The following TGFBR2 variants were observed in gnomAD, a reference collection of about 807,000 sequenced individuals.
The protein encoded by TGFBR2 is TGF-beta receptor type-2.
In TGFBR2, 18 loss-of-function variants were observed where a neutral mutation model predicts 49.0. The observed-to-expected ratio is 0.37, with a 90% CI of 0.25 to 0.54. The LOEUF (loss-of-function observed/expected upper bound fraction) is 0.54, where lower values mean the gene tolerates loss of function less well. Ranked by LOEUF, TGFBR2 falls within the 20% of genes least tolerant of loss-of-function variation. TGFBR2 has a pLI of 0.85. For synonymous variants in TGFBR2, 282 were observed against 275.9 expected, an observed-to-expected ratio of 1.02 and a Z score of -0.22; for missense variants, 525 against 722.6, an observed-to-expected ratio of 0.73 and a Z score of 3.13.
rs547493406 is a variant in TGFBR2 at position 30,631,726 on chromosome 3, T to A, written c.95-13021T>A. Among the ~76,000 whole-genome samples, 20 of 151,668 alleles carry A rather than the reference T, an allele frequency of 1.3e-4. No homozygotes were observed. The South Asian group carries it at 4.0e-3, about 30-fold the overall frequency. ...AGAAACCAAAGTGAATCTGAATGTG[T>A]CTTTCTGTCCTTTTTGTGTCATTTT... On this transcript the variant is annotated intron_variant, in intron 1 of 6. Coordinates refer to ENST00000295754, the MANE Select transcript of TGFBR2 (RefSeq NM_003242.6).
chr3:30,653,424 A>G (rs7428831), intron 3 of TGFBR2, among the ~76,000 whole-genome samples: 24,479 of 151,466 alleles, frequency 0.16, 2,269 homozygotes, highest in East Asian at 0.37. Context: ...GCTAATTTTT[A>G]TGTTTTTAGT....
At chr3:30,607,082 C>A (rs1697936934) in intron 1 of TGFBR2, 105 bp downstream of exon 1, 2 of 976,068 alleles carry the variant, frequency 2.0e-6, no homozygotes, top group Non-Finnish European at 3.1e-6. Flanking sequence ...GGCCCCCGGG[C>A]GGAAACGAGG....
At chr3:30,607,793 TA>T (rs1193104700) in intron 1 of TGFBR2, among the ~76,000 whole-genome samples, 5 of 134,700 alleles carry the variant, frequency 3.7e-5, no homozygotes, top group Admixed American at 1.4e-4. Flanking sequence ...AAAATAAAAA[TA>T]AAAAAATATA....
At chr3:30,624,487 G>A (rs1029604607) in intron 1 of TGFBR2, among the ~76,000 whole-genome samples, 4 of 151,992 alleles carry the variant, frequency 2.6e-5, no homozygotes, top group Admixed American at 6.5e-5. Context: ...GTGGTGGCAC[G>A]TGCCTCTAGT....
intron 2 of TGFBR2, among the ~76,000 whole-genome samples, chr3:30,649,504 T>A (rs1698841128): frequency 6.6e-6 from 1 of 152,250 alleles, no homozygotes; most frequent in Non-Finnish European, 1.5e-5. Context: ...ATATGTGCTA[T>A]GAAGTGATAC....
intron 1 of TGFBR2, among the ~76,000 whole-genome samples, chr3:30,634,140 A>C (rs908994004): frequency 6.6e-5 from 10 of 152,252 alleles, no homozygotes; most frequent in Non-Finnish European, 1.2e-4. Context: ...GAAATTTATC[A>C]GTGAAAATTC....
intron 1 of TGFBR2, among the ~76,000 whole-genome samples, chr3:30,627,894 C>T (rs552371560): frequency 2.0e-5 from 3 of 152,134 alleles, no homozygotes; most frequent in East Asian, 3.9e-4. Flanking sequence ...ATTAAAGTCC[C>T]CATTCTTCTC....
At chr3:30,666,031 A>G (rs1396909152) in intron 3 of TGFBR2, among the ~76,000 whole-genome samples, 3 of 152,252 alleles carry the variant, frequency 2.0e-5, no homozygotes, top group African/African-American at 7.2e-5. Context: ...GACGTCTGCA[A>G]CAACAAACTC....
Position 30,606,825 on chromosome 3 carries a change from C to G in TGFBR2, c.-59C>G, listed in dbSNP as rs1002352692. The G allele has an allele frequency of 1.9e-5, 24 of 1,242,604 alleles. No homozygotes were observed. Among genetic ancestry groups the G allele is most frequent in the South Asian group, 1.0e-4 (4 of 39,340 alleles). The allele number at this position is 1,242,604 out of a possible 1,614,324, so 77.0% of individuals were successfully genotyped here. On this transcript the variant is annotated 5_prime_UTR_variant, in exon 1 of 7. Transcript: ENST00000295754. ...CGGCGCGGAGGCGCAGCCAGGGGTC[C>G]GGGAAGGCGCCGTCCGCTGCGCTGG...
Position 30,683,820 on chromosome 3 carries a change from C to G in TGFBR2, c.1397-4564C>G, listed in dbSNP as rs371608657. Reference sequence around the variant, plus strand: ...AAGGTCTCAGGCCATCAACTTGTTGCCAATCACCAGCTCTGTCCAGTTCCC... The same window carrying G: ...AAGGTCTCAGGCCATCAACTTGTTGGCAATCACCAGCTCTGTCCAGTTCCC... On this transcript the variant is annotated intron_variant, in intron 5 of 6. Transcript: ENST00000295754. Among the ~76,000 whole-genome samples the G allele has an allele frequency of 1.5e-3, 224 of 152,312 alleles. 11 individuals carry two copies. The South Asian group carries it at 0.043, about 29-fold the overall frequency.
intron 1 of TGFBR2, among the ~76,000 whole-genome samples, chr3:30,608,826 C>T (rs1025654497): frequency 2.0e-5 from 3 of 152,130 alleles, no homozygotes; most frequent in Non-Finnish European, 4.4e-5. Context: ...TCTCATTTTC[C>T]TCCAGACTTT....
At chr3:30,644,379 T>C (rs1234029011) in intron 1 of TGFBR2, among the ~76,000 whole-genome samples, 1 of 152,186 alleles carries the variant, frequency 6.6e-6, no homozygotes, top group African/African-American at 2.4e-5. Context: ...CCAGCTAAAC[T>C]ATAATTTCCT....
chr3:30,618,111 G>A (rs905951403), intron 1 of TGFBR2, among the ~76,000 whole-genome samples: 2 of 152,102 alleles, frequency 1.3e-5, no homozygotes, highest in Non-Finnish European at 2.9e-5. Context: ...AACTAAATGA[G>A]TCAGTTTTTA....
upstream of TGFBR2, chr3:30,606,577 C>T (rs749340193): frequency 1.1e-4 from 34 of 319,508 alleles, no homozygotes; most frequent in Non-Finnish European, 1.7e-4. Context: ...TCCCCCGCAG[C>T]GCTGAGTTGA....
At chr3:30,636,871 T>C (rs954021672) in intron 1 of TGFBR2, among the ~76,000 whole-genome samples, 5 of 152,134 alleles carry the variant, frequency 3.3e-5, no homozygotes, top group Non-Finnish European at 5.9e-5. Flanking sequence ...GAGACCATCC[T>C]GGCTAACACG....
At chr3:30,638,990 G>A (rs1272457686) in intron 1 of TGFBR2, among the ~76,000 whole-genome samples, 11 of 152,146 alleles carry the variant, frequency 7.2e-5, no homozygotes, top group Non-Finnish European at 1.3e-4. Context: ...TCAATTCTGG[G>A]CCCATATGGT....
chr3:30,690,754 T>C (rs1699695556), intron 6 of TGFBR2, among the ~76,000 whole-genome samples: 1 of 152,166 alleles, frequency 6.6e-6, no homozygotes, highest in Non-Finnish European at 1.5e-5. Context: ...ATAAGTGGAA[T>C]GCAGGGAATT....
chr3:30,616,745 A>G (rs1056237403), intron 1 of TGFBR2, among the ~76,000 whole-genome samples: 9 of 152,236 alleles, frequency 5.9e-5, no homozygotes, highest in African/African-American at 1.9e-4. Flanking sequence ...GAAATACCAC[A>G]GACTTCCACT....
chr3:30,687,687 A>G, intron 5 of TGFBR2, among the ~76,000 whole-genome samples: 1 of 152,186 alleles, frequency 6.6e-6, no homozygotes, highest in East Asian at 1.9e-4. Context: ...ATTTTTCTGT[A>G]CTGAAATTTG....
Sources: allele counts gnomAD v4.1 joint callset (sites outside exome capture counted in the v4.1 genomes callset), GRCh38; gene constraint gnomAD v4.1.1; transcripts MANE v1.5; gene names NCBI Gene and HGNC (gene_info 2026-07-23, HGNC 2026-07-21).